The following NPFFR1 variants were observed in gnomAD, a reference collection of about 807,000 sequenced individuals.
NPFFR1 encodes neuropeptide FF receptor 1.
In NPFFR1, 17 loss-of-function variants were observed where a neutral mutation model predicts 12.7. That is an observed-to-expected ratio of 1.34 (90% CI 0.92 to 2.01). The LOEUF (loss-of-function observed/expected upper bound fraction) is 2.01. Ranked by LOEUF, NPFFR1 falls within the 30% of genes most tolerant of loss-of-function variation. NPFFR1 has a pLI of 0.00. For synonymous variants in NPFFR1, 296 were observed against 264.5 expected, an observed-to-expected ratio of 1.12 and a Z score of -1.16; for missense variants, 604 against 606.5, an observed-to-expected ratio of 1.00 and a Z score of 0.04.
chr10:70,283,343 GTC>G (rs35152338), intron 1 of NPFFR1, among the ~76,000 whole-genome samples: 50 of 146,318 alleles, frequency 3.4e-4, no homozygotes, highest in South Asian at 4.4e-4. Context: ...CTCTGTCTCT[GTC>G]TCTCTCTCTC....
At chr10:70,281,558 G>A (rs1209311832) in intron 1 of NPFFR1, among the ~76,000 whole-genome samples, 1 of 152,126 alleles carries the variant, frequency 6.6e-6, no homozygotes, top group Non-Finnish European at 1.5e-5. Flanking sequence ...AGATGTTAGT[G>A]ACTACCTCTT....
chr10:70,258,085 G>T (rs1205185313), intron 3 of NPFFR1, among the ~76,000 whole-genome samples: 1 of 152,140 alleles, frequency 6.6e-6, no homozygotes, highest in Non-Finnish European at 1.5e-5. Context: ...GCAGGTCCTT[G>T]GTATGCAGAG....
intron 3 of NPFFR1, among the ~76,000 whole-genome samples, chr10:70,257,223 T>C (rs371613403): frequency 3.9e-5 from 6 of 152,244 alleles, no homozygotes; most frequent in African/African-American, 1.4e-4. Context: ...CAGACTGTTA[T>C]TGTGTCTGTG....
intron 3 of NPFFR1, 66 bp downstream of exon 3, chr10:70,260,574 G>T: frequency 2.2e-6 from 3 of 1,352,726 alleles, no homozygotes; most frequent in South Asian, 2.5e-5. Flanking sequence ...AGCATTAGAG[G>T]CAGTGGCTCC....
chr10:70,262,033 G>T (rs1336950107), intron 2 of NPFFR1, among the ~76,000 whole-genome samples: 1 of 152,184 alleles, frequency 6.6e-6, no homozygotes, highest in African/African-American at 2.4e-5. Flanking sequence ...TTGTACCAAA[G>T]AAATACAGAA....
In NPFFR1 at chr10:70,255,320, G is replaced by A; in HGVS notation, c.930C>T (p.Ala310=). Residue 310 remains alanine (A), a synonymous_variant, in exon 4 of 4, where the codon GCC becomes GCT. Coordinates refer to ENST00000277942, the MANE Select transcript of NPFFR1 (RefSeq NM_022146.5). This position sits in a 1 kb window ranked among gnomAD's most constrained non-coding sequence, Gnocchi z 4.2. ...APQLHLVTVY[A]FPFAHWLAFF... ...AGGCCAGCCAGTGCGCGAAGGGGAA[G>A]GCGTAGACGGTGACCAGGTGCAGCT... 1 of 1,581,062 alleles carries A rather than the reference G, an allele frequency of 6.3e-7. No individual in the cohort carries two copies.
At position 70,254,926 on chromosome 10, in the gene NPFFR1, T is replaced by C; in HGVS notation, c.*31A>G. The C allele has an allele frequency of 7.2e-7, 1 of 1,393,426 alleles. No homozygotes were observed. The highest frequency in any genetic ancestry group is 9.3e-7 in the Non-Finnish European group (1 of 1,079,886). 86.3% of individuals were successfully genotyped at this position (1,393,426 alleles called of 1,614,324 possible). ...TGTATCTCGTGTCCAATCGGGGCCC[T>C]GAGGCAGCGTCCCGCCCTCCCTGGA... On this transcript the variant is annotated 3_prime_UTR_variant, in exon 4 of 4. Transcript: ENST00000277942.
intron 1 of NPFFR1, among the ~76,000 whole-genome samples, chr10:70,274,175 CA>C (rs1840777463): frequency 2.0e-5 from 3 of 150,258 alleles, no homozygotes; most frequent in Admixed American, 2.0e-4. Flanking sequence ...GGGGGCTGGG[CA>C]CAGTGGCTCA....
chr10:70,255,416 G>A lies in NPFFR1; in HGVS notation c.834C>T (p.Phe278=). The change falls in exon 4 of 4, where the codon TTC becomes TTT. Residue 278 remains phenylalanine (F), a synonymous_variant. Transcript: ENST00000277942. This position sits in a 1 kb window ranked among gnomAD's most constrained non-coding sequence, Gnocchi z 4.2. ...AGAGCGGCAGCCAGGACAGCGTGAA[G>A]AACAGCGCCACCATGACCAGCATGT... ...VVHMLVMVAL[F]FTLSWLPLWA... The A allele has an allele frequency of 6.5e-7, 1 of 1,546,470 alleles. No individual in the cohort carries two copies. The highest frequency in any genetic ancestry group is 1.2e-5 in the South Asian group (1 of 84,094).
At chr10:70,281,767 T>G (rs1840865119) in intron 1 of NPFFR1, among the ~76,000 whole-genome samples, 1 of 152,144 alleles carries the variant, frequency 6.6e-6, no homozygotes, top group South Asian at 2.1e-4. Context: ...TGCAGAAGTG[T>G]CTCATTTTTT....
rs1428716359 is a variant in NPFFR1 at position 70,248,161 on chromosome 10, GGT to G, written c.*6794_*6795del. ...GGAATGGCAAAAACCTGGACTTTGT[GGT>G]CAGATAGACTAAGGTTTGAGTCTCA... is the stretch of plus-strand genomic sequence containing the variant. On this transcript the variant is annotated 3_prime_UTR_variant, in exon 4 of 4. Coordinates refer to ENST00000277942, the MANE Select transcript of NPFFR1 (RefSeq NM_022146.5). 1.1e-4 allele frequency: 16 copies of G among 152,294 alleles called. No homozygotes were observed. The highest frequency in any genetic ancestry group is 9.2e-4 in the Admixed American group (14 of 15,300). The allele number at this position is 152,294 out of a possible 1,614,324, so 9.4% of individuals were successfully genotyped here.
intron 1 of NPFFR1, among the ~76,000 whole-genome samples, chr10:70,278,268 C>T (rs1260406878): frequency 6.6e-6 from 1 of 152,108 alleles, no homozygotes; most frequent in East Asian, 1.9e-4. Context: ...AGACCTATCT[C>T]ATAGTCAGTG....
intron 1 of NPFFR1, among the ~76,000 whole-genome samples, chr10:70,280,287 T>G (rs965628136): frequency 2.0e-5 from 3 of 152,246 alleles, no homozygotes; most frequent in African/African-American, 7.2e-5. Context: ...TTTTAGCTTT[T>G]TGAGGAACCT....
In NPFFR1 at chr10:70,252,893, C is replaced by G. The variant is rs1280828856; in HGVS notation, c.*2064G>C. On this transcript the variant is annotated 3_prime_UTR_variant, in exon 4 of 4. Transcript: ENST00000277942. ...GAGGCTATGCTAAAGGAGAAACACA[C>G]CCCAGAGGAGACACCAGGTGGTGTC... 2 of 152,214 alleles carry G rather than the reference C, an allele frequency of 1.3e-5. No individual in the cohort carries two copies. The highest frequency in any genetic ancestry group is 3.9e-4 in the East Asian group (2 of 5,186). 9.4% of individuals were successfully genotyped at this position (152,214 alleles called of 1,614,324 possible).
At position 70,266,185 on chromosome 10, in the gene NPFFR1, G is replaced by C. The variant is rs745639559; in HGVS notation, c.214C>G (p.Arg72Gly). ...TLVCFIVLKN[R>G]HMHTVTNMFI... ...ATGTTGGTGACAGTATGCATGTGCC[G>C]GTTCTTGAGCACGATGAAACAGACC... Residue 72 changes from arginine (R) to glycine (G), a missense_variant, in exon 2 of 4, where the codon CGG becomes GGG. Arg to Gly is a moderately radical substitution (Grantham distance 125, BLOSUM62 -2). Transcript: ENST00000277942. The C allele has an allele frequency of 1.2e-6, 2 of 1,614,020 alleles. No homozygotes were observed. The highest frequency in any genetic ancestry group is 8.5e-7 in the Non-Finnish European group (1 of 1,179,890).
At position 70,252,051 on chromosome 10, in the gene NPFFR1, C is replaced by A. The variant is rs1341443165; in HGVS notation, c.*2906G>T. 1 of 152,180 alleles carries A rather than the reference C, an allele frequency of 6.6e-6. No homozygotes were observed. Among genetic ancestry groups the A allele is most frequent in the East Asian group, 1.9e-4 (1 of 5,194 alleles). 9.4% of individuals were successfully genotyped at this position (152,180 alleles called of 1,614,324 possible). On this transcript the variant is annotated 3_prime_UTR_variant, in exon 4 of 4. Transcript: ENST00000277942. ...GGGGTCTCTGTCCTCAGGATTCACA[C>A]AGGCACTATTGTCAGGAACTACTTC...
intron 1 of NPFFR1, among the ~76,000 whole-genome samples, chr10:70,273,652 A>C (rs558135815): frequency 5.3e-4 from 81 of 152,280 alleles, no homozygotes; most frequent in African/African-American, 1.9e-3. Context: ...GGGACCGTCC[A>C]TCAGGTGTCT....
intron 2 of NPFFR1, among the ~76,000 whole-genome samples, chr10:70,263,111 G>A (rs1406946325): frequency 6.6e-6 from 1 of 152,092 alleles, no homozygotes; most frequent in Non-Finnish European, 1.5e-5. Flanking sequence ...AGGTCACAGT[G>A]AGCTATGATC....
At position 70,254,773 on chromosome 10, in the gene NPFFR1, G is replaced by A; in HGVS notation, c.*184C>T. The A allele has an allele frequency of 1.6e-6, 1 of 616,640 alleles. No homozygotes were observed. Among genetic ancestry groups the A allele is most frequent in the Non-Finnish European group, 2.4e-6 (1 of 416,598 alleles). The allele number at this position is 616,640 out of a possible 1,614,324, so 38.2% of individuals were successfully genotyped here. A position where few individuals can be genotyped will look rare whatever the true frequency, so the allele number is the denominator to read the frequency against. ...GCAAGTTGGTTCCTTCCCGTCCCCC[G>A]CATTTGCCTCTACTGAGGGTGAAGG... is the stretch of plus-strand genomic sequence containing the variant. On this transcript the variant is annotated 3_prime_UTR_variant, in exon 4 of 4. Coordinates refer to ENST00000277942, the MANE Select transcript of NPFFR1 (RefSeq NM_022146.5).
Sources: gnomAD v4.1 joint callset for allele counts (sites outside exome capture counted in the v4.1 genomes callset) on GRCh38, gnomAD v4.1.1 for gene constraint, Gnocchi (gnomAD v3.1) non-coding constraint, MANE v1.5 for transcripts, NCBI Gene and HGNC (gene_info 2026-07-23, HGNC 2026-07-21) for gene names.